The following RABGAP1L variants were observed in gnomAD, a reference collection of about 807,000 sequenced individuals.
RABGAP1L encodes rab GTPase-activating protein 1-like.
Under a neutral mutation model 137.7 loss-of-function variants are expected in RABGAP1L, and 63 were observed. That is an observed-to-expected ratio of 0.46 (90% CI 0.37 to 0.56). RABGAP1L has a LOEUF of 0.56. Among genes scored for constraint, RABGAP1L ranks in the 20% least tolerant of loss-of-function variants. The probability of loss-of-function intolerance (pLI) is 0.00; values close to 1 mark genes in which losing one functional copy is unlikely to be tolerated. For missense variants in RABGAP1L, 1,095 were observed against 1,244.0 expected (o/e 0.88, Z 1.80); for synonymous variants, 431 against 433.7 (o/e 0.99, Z 0.08).
At chr1:174,370,871 A>T in intron 11 of RABGAP1L, 108 bp from the exon 12 acceptor site, 1 of 474,430 alleles carries the variant, frequency 2.1e-6, no homozygotes. Context: ...AATAATATGA[A>T]GAGAAGCTGG....
At chr1:174,642,914 A>T (rs1674660277) in intron 14 of RABGAP1L, among the ~76,000 whole-genome samples, 1 of 151,856 alleles carries the variant, frequency 6.6e-6, no homozygotes, top group African/African-American at 2.4e-5. Context: ...CCTTCCAAGT[A>T]GCTGGGATTA....
At chr1:174,701,997 T>C in intron 16 of RABGAP1L, 116 bp from the exon 17 acceptor site, 1 of 892,900 alleles carries the variant, frequency 1.1e-6, no homozygotes, top group South Asian at 1.8e-5. Context: ...CAACCAATAC[T>C]AGAATAGAGT....
intron 13 of RABGAP1L, among the ~76,000 whole-genome samples, chr1:174,597,610 C>A (rs769570094): frequency 2.0e-5 from 3 of 151,288 alleles, no homozygotes; most frequent in Non-Finnish European, 4.4e-5. Context: ...TTTTCTTAAT[C>A]TTCCTACAGG....
chr1:174,696,829 T>G, intron 15 of RABGAP1L, among the ~76,000 whole-genome samples: 1 of 152,230 alleles, frequency 6.6e-6, no homozygotes, highest in Non-Finnish European at 1.5e-5. Context: ...TAAAACCAGG[T>G]ACTGTGATTG....
intron 13 of RABGAP1L, among the ~76,000 whole-genome samples, chr1:174,566,489 G>A (rs552610170): frequency 1.3e-5 from 2 of 152,088 alleles, no homozygotes; most frequent in East Asian, 3.9e-4. Context: ...GCATAATCCA[G>A]CAACTTATGA....
chr1:174,813,247 G>A (rs1690058648), intron 19 of RABGAP1L, among the ~76,000 whole-genome samples: 1 of 152,136 alleles, frequency 6.6e-6, no homozygotes. Flanking sequence ...TGTTAACAGT[G>A]GAGATAGAGA....
chr1:174,627,249 A>G (rs1348460247), intron 13 of RABGAP1L, among the ~76,000 whole-genome samples: 1 of 152,220 alleles, frequency 6.6e-6, no homozygotes, highest in Non-Finnish European at 1.5e-5. Flanking sequence ...GTTACATTTG[A>G]AAACAGTCTT....
chr1:174,516,914 G>A (rs1662910075), intron 13 of RABGAP1L, among the ~76,000 whole-genome samples: 2 of 147,038 alleles, frequency 1.4e-5, no homozygotes, highest in Non-Finnish European at 1.5e-5. Flanking sequence ...GTGACAGAGC[G>A]AGACTCTGTC....
chr1:174,775,794 T>G (rs1452957611), intron 18 of RABGAP1L, among the ~76,000 whole-genome samples: 1 of 152,168 alleles, frequency 6.6e-6, no homozygotes, highest in East Asian at 1.9e-4. Flanking sequence ...TGGTGCACAT[T>G]CCTGATTTTC....
At chr1:174,728,195 TG>T (rs1490422999) in intron 17 of RABGAP1L, among the ~76,000 whole-genome samples, 3 of 152,250 alleles carry the variant, frequency 2.0e-5, no homozygotes, top group Non-Finnish European at 4.4e-5. Flanking sequence ...CTTGTTGCCT[TG>T]TTCTTTACTC....
intron 19 of RABGAP1L, among the ~76,000 whole-genome samples, chr1:174,891,204 A>G (rs1303370787): frequency 2.0e-5 from 3 of 152,250 alleles, no homozygotes; most frequent in African/African-American, 4.8e-5. Context: ...TCCAGGCAGA[A>G]GGAATAGCAC....
At chr1:174,910,117 T>C (rs1199157063) in intron 19 of RABGAP1L, among the ~76,000 whole-genome samples, 6 of 152,030 alleles carry the variant, frequency 3.9e-5, no homozygotes, top group Non-Finnish European at 1.5e-5. Flanking sequence ...CCAACCTGGG[T>C]GACAGAGTGA....
chr1:174,697,009 C>T (rs1336340177), intron 15 of RABGAP1L, among the ~76,000 whole-genome samples: 1 of 152,144 alleles, frequency 6.6e-6, no homozygotes, highest in East Asian at 1.9e-4. Context: ...CCCAACATTC[C>T]CTAGTCTAGG....
intron 13 of RABGAP1L, among the ~76,000 whole-genome samples, chr1:174,454,643 G>A (rs1321736736): frequency 2.0e-5 from 3 of 149,330 alleles, no homozygotes; most frequent in African/African-American, 5.0e-5. Context: ...CTCGCCTCCC[G>A]GGTTCACGCC....
intron 19 of RABGAP1L, among the ~76,000 whole-genome samples, chr1:174,933,078 A>G (rs1431401972): frequency 6.6e-6 from 1 of 152,126 alleles, no homozygotes; most frequent in Admixed American, 6.6e-5. Flanking sequence ...ACACACACAC[A>G]CTTACATACA....
chr1:174,203,281 A>C (rs923473161), intron 1 of RABGAP1L, among the ~76,000 whole-genome samples: 1 of 151,296 alleles, frequency 6.6e-6, no homozygotes, highest in Non-Finnish European at 1.5e-5. Context: ...CCCATTGCTC[A>C]TTTGTATATG....
At chr1:174,756,858 A>C in intron 18 of RABGAP1L, 2 of 613,682 alleles carry the variant, frequency 3.3e-6, no homozygotes, top group Non-Finnish European at 6.0e-6. Flanking sequence ...CATCACAAGA[A>C]GGTGTCACAC....
intron 18 of RABGAP1L, among the ~76,000 whole-genome samples, chr1:174,785,217 G>A (rs749172938): frequency 5.9e-5 from 9 of 151,882 alleles, no homozygotes; most frequent in Non-Finnish European, 1.0e-4. Flanking sequence ...GGCATGCGCC[G>A]CCAATCACAA....
intron 1 of RABGAP1L, among the ~76,000 whole-genome samples, chr1:174,192,325 T>A (rs891760185): frequency 6.7e-6 from 1 of 149,806 alleles, no homozygotes; most frequent in Non-Finnish European, 1.5e-5. Context: ...GGTGTTTTTT[T>A]TTTTTTTTTT....
Sources: allele counts gnomAD v4.1 joint callset (sites outside exome capture counted in the v4.1 genomes callset), GRCh38; gene constraint gnomAD v4.1.1; transcripts MANE v1.5; gene names NCBI Gene and HGNC (gene_info 2026-07-23, HGNC 2026-07-21).